The following COL23A1 variants were observed in gnomAD, a reference collection of about 807,000 sequenced individuals.
COL23A1 encodes collagen type XXIII alpha 1 chain.
A neutral mutation model predicts 99.3 loss-of-function variants in COL23A1; 97 were observed. The ratio of observed to expected loss-of-function variants is 0.98; its 90% CI spans 0.83 to 1.16. COL23A1 has a LOEUF of 1.16. Among genes scored for constraint, COL23A1 ranks in the 50% most tolerant of loss-of-function variants. COL23A1 has a pLI of 0.00. For synonymous variants in COL23A1, 320 were observed against 308.2 expected (o/e 1.04, Z -0.40); for missense variants, 762 against 757.4 (o/e 1.01, Z -0.07).
At chr5:178,252,446 C>T (rs1549612) in intron 17 of COL23A1, 98 bp downstream of exon 17, 531,895 of 1,190,208 alleles carry the variant, frequency 0.45, 125,391 homozygotes, top group South Asian at 0.5. Flanking sequence ...CCAGGACACC[C>T]GGAGGGAAGT....
chr5:178,376,714 C>T lies in COL23A1; in HGVS notation c.362-69795G>A, dbSNP rs548682088. On this transcript the variant is annotated intron_variant, in intron 2 of 28. Coordinates refer to ENST00000390654, the MANE Select transcript of COL23A1 (RefSeq NM_173465.4). ...AGCTAGGAGACAGTGGAACCAGATG[C>T]TTCTTTGTGTAAGGGGTGCAAGCTT... Among the ~76,000 whole-genome samples the T allele has an allele frequency of 2.0e-5, 3 of 152,356 alleles. 1 individual carries two copies. In the East Asian group the frequency reaches 5.8e-4, roughly 29 times the overall value.
At chr5:178,272,835 C>T (rs1352388540) in intron 5 of COL23A1, among the ~76,000 whole-genome samples, 1 of 152,144 alleles carries the variant, frequency 6.6e-6, no homozygotes, top group Non-Finnish European at 1.5e-5. Flanking sequence ...CAGGCCTGAC[C>T]CCACACACAT....
chr5:178,386,426 G>A (rs77872368), intron 2 of COL23A1, among the ~76,000 whole-genome samples: 3,233 of 142,302 alleles, frequency 0.023, 113 homozygotes, highest in African/African-American at 0.074. Context: ...CAGAGAGAGC[G>A]AGACTCCGTC....
intron 5 of COL23A1, among the ~76,000 whole-genome samples, chr5:178,273,542 G>A (rs1756413365): frequency 6.6e-6 from 1 of 152,242 alleles, no homozygotes; most frequent in South Asian, 2.1e-4. Context: ...GGTGCAGTGT[G>A]CGCAGTGCTC....
At position 178,502,505 on chromosome 5, in the gene COL23A1, C is replaced by T. The variant is rs1758623921; in HGVS notation, c.361+58177G>A. 1.3e-5 allele frequency among the ~76,000 whole-genome samples: 2 copies of T among 152,304 alleles called. 1 individual carries two copies. Among genetic ancestry groups the T allele is most frequent in the South Asian group, 4.1e-4 (2 of 4,824 alleles). On this transcript the variant is annotated intron_variant, in intron 2 of 28. Coordinates refer to ENST00000390654, the MANE Select transcript of COL23A1 (RefSeq NM_173465.4). ...CACTCTAAACACATGGAAAGATCCT[C>T]AGTGTCCTTAGTAATCAGAGAAACT...
chr5:178,264,373 T>A (rs570732942), intron 8 of COL23A1, among the ~76,000 whole-genome samples: 1 of 149,502 alleles, frequency 6.7e-6, no homozygotes, highest in Admixed American at 6.7e-5. Context: ...GGCCACATGG[T>A]TTCTCTCATG....
intron 2 of COL23A1, among the ~76,000 whole-genome samples, chr5:178,513,244 C>G (rs1581537685): frequency 6.6e-6 from 1 of 152,342 alleles, no homozygotes; most frequent in East Asian, 1.9e-4. Flanking sequence ...CTTTACTGCA[C>G]TACCATGCAC....
chr5:178,501,705 G>A (rs1030453072), intron 2 of COL23A1, among the ~76,000 whole-genome samples: 3 of 152,324 alleles, frequency 2.0e-5, no homozygotes, highest in Admixed American at 1.3e-4. Flanking sequence ...GCTGAGGTAC[G>A]CCAACACCCC....
intron 7 of COL23A1, among the ~76,000 whole-genome samples, 166 bp downstream of exon 7, chr5:178,268,564 C>A (rs1035538422): frequency 6.6e-5 from 10 of 152,288 alleles, no homozygotes; most frequent in African/African-American, 2.4e-4. Flanking sequence ...GCCTTGTAAT[C>A]ATTTTAGAAG....
intron 2 of COL23A1, among the ~76,000 whole-genome samples, chr5:178,358,382 AATGTGTGTATGTGTATGTGT>A (rs879573472): frequency 0.019 from 2,655 of 140,368 alleles, 24 homozygotes; most frequent in Non-Finnish European, 0.03. Context: ...GTGTATGTCT[AATGTGTGTATGTGTATGTGT>A]ATGTGTGTAT....
chr5:178,326,249 G>A (rs1049734755), intron 2 of COL23A1, among the ~76,000 whole-genome samples: 1 of 152,146 alleles, frequency 6.6e-6, no homozygotes, highest in African/African-American at 2.4e-5. Context: ...TATGTTTCTT[G>A]TCTCCTACGC....
chr5:178,410,121 T>G (rs946946560), intron 2 of COL23A1, among the ~76,000 whole-genome samples: 2 of 152,170 alleles, frequency 1.3e-5, no homozygotes, highest in Non-Finnish European at 2.9e-5. Context: ...AGTTTCTACA[T>G]TAGAAATGCT....
chr5:178,377,067 G>T (rs997450767), intron 2 of COL23A1, among the ~76,000 whole-genome samples: 1 of 152,214 alleles, frequency 6.6e-6, no homozygotes, highest in African/African-American at 2.4e-5. Flanking sequence ...GCGATGCCCC[G>T]CAGCCTGTTT....
At chr5:178,341,514 G>C (rs1441240734) in intron 2 of COL23A1, among the ~76,000 whole-genome samples, 1 of 152,214 alleles carries the variant, frequency 6.6e-6, no homozygotes, top group African/African-American at 2.4e-5. Context: ...TGAAGGTTTT[G>C]TTTTCAAAAT....
chr5:178,409,957 C>T (rs986066372), intron 2 of COL23A1, among the ~76,000 whole-genome samples: 12 of 151,930 alleles, frequency 7.9e-5, no homozygotes, highest in Non-Finnish European at 1.3e-4. Flanking sequence ...GATTGAGGAG[C>T]GCTTTCTAGG....
intron 2 of COL23A1, chr5:178,377,936 G>A (rs1176840346): frequency 6.6e-6 from 1 of 152,342 alleles, no homozygotes; most frequent in Admixed American, 6.5e-5. Context: ...CAAGCACGAT[G>A]GCACGTGTCT....
rs1554152323 is a variant in COL23A1 at position 178,383,718 on chromosome 5, C to CGA, written c.362-76800_362-76799insTC. On this transcript the variant is annotated intron_variant, in intron 2 of 28. Coordinates refer to ENST00000390654, the MANE Select transcript of COL23A1 (RefSeq NM_173465.4). ...GTCTGCATGCACAATCACAGTCCTTCAGTGTTAGCCGGGAGCCCCCTGGGG... is the reference window on the plus strand; with the variant it reads ...GTCTGCATGCACAATCACAGTCCTTCGAAGTGTTAGCCGGGAGCCCCCTGGGG... Among the ~76,000 whole-genome samples the CGA allele has an allele frequency of 6.6e-5, 10 of 152,280 alleles. 1 individual carries two copies. The South Asian group carries it at 2.1e-3, about 32-fold the overall frequency.
chr5:178,364,090 G>A (rs953162941), intron 2 of COL23A1, among the ~76,000 whole-genome samples: 3 of 152,132 alleles, frequency 2.0e-5, no homozygotes, highest in East Asian at 3.9e-4. Context: ...TCCCGCCCCG[G>A]GTCACATGGG....
At chr5:178,474,289 T>C (rs1756915903) in intron 2 of COL23A1, among the ~76,000 whole-genome samples, 2 of 152,220 alleles carry the variant, frequency 1.3e-5, no homozygotes, top group Admixed American at 6.5e-5. Flanking sequence ...AGTTCTTCTT[T>C]CCTTGTTTTC....
Sources: allele counts gnomAD v4.1 joint callset (sites outside exome capture counted in the v4.1 genomes callset), GRCh38; gene constraint gnomAD v4.1.1; transcripts MANE v1.5; gene names NCBI Gene and HGNC (gene_info 2026-07-23, HGNC 2026-07-21).